The following TCAIM variants were observed in gnomAD, a reference collection of about 807,000 sequenced individuals.
The protein encoded by TCAIM is T cell activation inhibitor, mitochondrial, also known as T-cell activation inhibitor, mitochondrial.
TCAIM carries 36 observed loss-of-function variants against 58.6 expected under a neutral mutation model. That is an observed-to-expected ratio of 0.61 (90% confidence interval 0.47 to 0.81). The LOEUF (loss-of-function observed/expected upper bound fraction) is 0.81, where lower values mean the gene tolerates loss of function less well. Ranked by LOEUF, TCAIM falls within the 30% of genes least tolerant of loss-of-function variation. TCAIM has a pLI of 0.00. For synonymous variants in TCAIM, 172 were observed against 193.6 expected (o/e 0.89, Z 0.93); for missense variants, 466 against 579.6 (o/e 0.80, Z 2.01).
intron 5 of TCAIM, among the ~76,000 whole-genome samples, chr3:44,373,608 C>T (rs766097814): frequency 5.2e-4 from 79 of 151,958 alleles, no homozygotes; most frequent in Non-Finnish European, 9.1e-4. Flanking sequence ...GAACCAAGAT[C>T]GTGCCACTGC....
chr3:44,386,940 G>A (rs1701752527), intron 5 of TCAIM, among the ~76,000 whole-genome samples: 7 of 152,242 alleles, frequency 4.6e-5, no homozygotes, highest in Admixed American at 4.6e-4. Context: ...TGGGGACTGG[G>A]CTGCCGGTTC....
intron 1 of TCAIM, among the ~76,000 whole-genome samples, chr3:44,346,723 A>G (rs965969366): frequency 6.6e-6 from 1 of 152,232 alleles, no homozygotes; most frequent in African/African-American, 2.4e-5. Flanking sequence ...GTATTAGAGC[A>G]GCAGCAGCTG....
rs1391775874 is a variant in TCAIM, at chr3:44,401,187, G to A, written c.1119-16G>A. 4 of 1,612,790 alleles carry A rather than the reference G, an allele frequency of 2.5e-6. No individual in the cohort carries two copies. The Admixed American group carries it at 5.0e-5, about 20-fold the overall frequency. ...GAGGGTCAGTGGTTTTTCCTTTAAT[G>A]TATATTTTATTGCAGTGACAGATAT... On this transcript the variant is annotated splice_polypyrimidine_tract_variant and intron_variant, in intron 9 of 10. Transcript: ENST00000342649.
intron 1 of TCAIM, among the ~76,000 whole-genome samples, chr3:44,347,233 G>C (rs1700988822): frequency 6.6e-6 from 1 of 152,166 alleles, no homozygotes; most frequent in African/African-American, 2.4e-5. Context: ...TTTGATAACA[G>C]ATGTTGGAGG....
chr3:44,345,141 G>T (rs139713044), intron 1 of TCAIM, among the ~76,000 whole-genome samples: 2 of 152,224 alleles, frequency 1.3e-5, no homozygotes, highest in Admixed American at 1.3e-4. Flanking sequence ...GGGCTGCTTC[G>T]AGCAGGATTG....
chr3:44,358,951 A>G, intron 3 of TCAIM: 1 of 985,392 alleles, frequency 1.0e-6, no homozygotes, highest in Non-Finnish European at 1.2e-6. Flanking sequence ...GAACTTTTCA[A>G]AGTAATCAGT....
intron 4 of TCAIM, among the ~76,000 whole-genome samples, chr3:44,364,299 TATAGC>T (rs1245699496): frequency 1.3e-5 from 2 of 151,018 alleles, no homozygotes; most frequent in Non-Finnish European, 2.9e-5. Flanking sequence ...GGAGAAAAGA[TATAGC>T]ATATATGACA....
At chr3:44,356,598 C>G (rs144689543) in intron 2 of TCAIM, among the ~76,000 whole-genome samples, 5 of 151,952 alleles carry the variant, frequency 3.3e-5, no homozygotes, top group African/African-American at 4.8e-5. Flanking sequence ...TTCAAAAAAC[C>G]GCAAATAATT....
At chr3:44,391,674 A>C (rs1257463201) in intron 5 of TCAIM, among the ~76,000 whole-genome samples, 1 of 152,140 alleles carries the variant, frequency 6.6e-6, no homozygotes, top group Non-Finnish European at 1.5e-5. Flanking sequence ...AGGGTAGTGA[A>C]GAGGCCCTCC....
At chr3:44,389,895 A>T (rs973469908) in intron 5 of TCAIM, among the ~76,000 whole-genome samples, 2 of 152,066 alleles carry the variant, frequency 1.3e-5, no homozygotes, top group Non-Finnish European at 2.9e-5. Flanking sequence ...GCATCCTGTC[A>T]TCTGTGCATA....
chr3:44,393,523 A>T (rs562893431), intron 6 of TCAIM, among the ~76,000 whole-genome samples: 4 of 152,198 alleles, frequency 2.6e-5, no homozygotes, highest in African/African-American at 9.7e-5. Context: ...TTGTTTAAGT[A>T]CTGACATTTT....
intron 5 of TCAIM, among the ~76,000 whole-genome samples, chr3:44,385,638 G>C (rs1205113721): frequency 1.3e-5 from 2 of 152,190 alleles, no homozygotes; most frequent in Non-Finnish European, 2.9e-5. Context: ...AGCTACTTGG[G>C]AGGCTGAGGC....
chr3:44,367,987 T>G, intron 5 of TCAIM: 1 of 305,568 alleles, frequency 3.3e-6, no homozygotes, highest in South Asian at 6.1e-5. Context: ...GAGATTGTTT[T>G]GTTTAACTTT....
At position 44,388,750 on chromosome 3, in the gene TCAIM, G is replaced by A. The variant is rs137940820; in HGVS notation, c.573-4105G>A. Among the ~76,000 whole-genome samples, 143 of 152,102 alleles carry A rather than the reference G, an allele frequency of 9.4e-4. 2 individuals carry two copies. Among genetic ancestry groups the A allele is most frequent in the African/African-American group, 3.4e-3 (141 of 41,458 alleles). On this transcript the variant is annotated intron_variant, in intron 5 of 10. Transcript: ENST00000342649. ...TCCTCATTTCATCATCTCTTCATAT[G>A]GGGACTATGTGAAGTGCCTATGTCC...
At chr3:44,390,421 C>T (rs1229718865) in intron 5 of TCAIM, among the ~76,000 whole-genome samples, 1 of 152,098 alleles carries the variant, frequency 6.6e-6, no homozygotes, top group Non-Finnish European at 1.5e-5. Context: ...AGTTCAAGAC[C>T]AGTTTGGGCC....
intron 1 of TCAIM, among the ~76,000 whole-genome samples, chr3:44,341,691 A>AT (rs571709485): frequency 2.6e-5 from 4 of 152,120 alleles, no homozygotes; most frequent in Non-Finnish European, 5.9e-5. Context: ...AAATTATGCC[A>AT]TTTTTTAATA....
At chr3:44,397,837 C>CAT (rs1314749091) in intron 8 of TCAIM, among the ~76,000 whole-genome samples, 5 of 152,146 alleles carry the variant, frequency 3.3e-5, no homozygotes, top group Non-Finnish European at 7.3e-5. Flanking sequence ...TTGTCATCCA[C>CAT]ATATCTTCTT....
chr3:44,358,676 G>A, intron 3 of TCAIM: 1 of 913,604 alleles, frequency 1.1e-6, no homozygotes, highest in Non-Finnish European at 1.3e-6. Flanking sequence ...GCAGATTTCG[G>A]TATCCACGGG....
intron 4 of TCAIM, among the ~76,000 whole-genome samples, chr3:44,364,503 G>A (rs1045942316): frequency 6.0e-4 from 92 of 152,238 alleles, no homozygotes; most frequent in African/African-American, 1.9e-3. Flanking sequence ...ACTCTTGAGA[G>A]GCCAAGGCAG....
Sources: gnomAD v4.1 joint callset for allele counts (sites outside exome capture counted in the v4.1 genomes callset) on GRCh38, gnomAD v4.1.1 for gene constraint, MANE v1.5 for transcripts, NCBI Gene and HGNC (gene_info 2026-07-23, HGNC 2026-07-21) for gene names.